The following ADCY7 variants were observed in gnomAD, a reference collection of about 807,000 sequenced individuals.
The protein encoded by ADCY7 is adenylate cyclase 7, also known as adenylate cyclase type 7.
In ADCY7, 72 loss-of-function variants were observed where a neutral mutation model predicts 120.6. The observed-to-expected ratio is 0.60, with a 90% CI of 0.49 to 0.73. The LOEUF is 0.73. ADCY7 is among the 30% of genes least tolerant of loss of function. ADCY7 has a pLI of 0.00. For synonymous variants in ADCY7, 661 were observed against 628.0 expected, an observed-to-expected ratio of 1.05 and a Z score of -0.78; for missense variants, 1,227 against 1,486.0, an observed-to-expected ratio of 0.83 and a Z score of 2.87.
rs2036578109 is a variant in ADCY7, at chr16:50,313,151, G to A, written c.2751+115G>A. On this transcript the variant is annotated intron_variant, in intron 22 of 25. Coordinates refer to ENST00000673801, the MANE Select transcript of ADCY7 (RefSeq NM_001114.5). ...AAAAATGTGACACAGAGCTGGGCAA[G>A]GTGGTCTATAATCCCAGCACTTTGG... 16 of 1,423,700 alleles carry A rather than the reference G, an allele frequency of 1.1e-5. No individual in the cohort carries two copies. In the South Asian group the frequency reaches 2.2e-4, roughly 19 times the overall value. 88.2% of individuals were successfully genotyped at this position (1,423,700 alleles called of 1,614,324 possible).
chr16:50,309,361 C>T (rs1395682569), intron 17 of ADCY7, among the ~76,000 whole-genome samples, 187 bp from the exon 18 acceptor site: 1 of 152,264 alleles, frequency 6.6e-6, no homozygotes, highest in Admixed American at 6.5e-5. Flanking sequence ...CCTAGCCCCT[C>T]TGCCCTCTGA....
chr16:50,270,145 C>T (rs915030331), intron 1 of ADCY7, among the ~76,000 whole-genome samples: 1 of 151,240 alleles, frequency 6.6e-6, no homozygotes, highest in African/African-American at 2.4e-5. Context: ...CCACTGTACT[C>T]CACTCTGGGT....
At chr16:50,298,530 T>TG (rs2035504553) in intron 7 of ADCY7, among the ~76,000 whole-genome samples, 2 of 152,338 alleles carry the variant, frequency 1.3e-5, no homozygotes, top group East Asian at 3.9e-4. Context: ...CCTGCCTACG[T>TG]GCAAGCTCCG....
intron 1 of ADCY7, among the ~76,000 whole-genome samples, chr16:50,269,266 G>A (rs115032506): frequency 6.6e-6 from 1 of 152,198 alleles, no homozygotes; most frequent in South Asian, 2.1e-4. Context: ...ATCCAGTTGT[G>A]CCCACCACAG....
At chr16:50,253,350 A>C (rs1479886532) in intron 1 of ADCY7, among the ~76,000 whole-genome samples, 2 of 152,272 alleles carry the variant, frequency 1.3e-5, no homozygotes, top group East Asian at 3.9e-4. Context: ...TCCTGGGTTC[A>C]GATGATTCTC....
At chr16:50,283,853 G>A (rs1268293332) in intron 1 of ADCY7, among the ~76,000 whole-genome samples, 3 of 152,154 alleles carry the variant, frequency 2.0e-5, no homozygotes, top group Admixed American at 2.0e-4. Context: ...GAGGACTCAG[G>A]GCCAGAAAAA....
chr16:50,306,393 C>A (rs561900547), intron 14 of ADCY7, among the ~76,000 whole-genome samples: 2 of 152,196 alleles, frequency 1.3e-5, no homozygotes, highest in Non-Finnish European at 2.9e-5. Flanking sequence ...AGAGCCTGTC[C>A]CCAGCTTCAG....
chr16:50,266,178 G>A (rs1047660197), upstream of ADCY7, among the ~76,000 whole-genome samples: 1 of 152,200 alleles, frequency 6.6e-6, no homozygotes, highest in South Asian at 2.1e-4. Context: ...GGCGCGGGGG[G>A]CCTGTCTGTG....
chr16:50,296,673 C>T (rs1486659575), intron 7 of ADCY7, among the ~76,000 whole-genome samples: 1 of 152,012 alleles, frequency 6.6e-6, no homozygotes, highest in Non-Finnish European at 1.5e-5. Flanking sequence ...GTAAGAGCCC[C>T]GCAGGTGTCT....
chr16:50,300,376 G>A (rs1264489310), intron 8 of ADCY7, among the ~76,000 whole-genome samples: 1 of 152,156 alleles, frequency 6.6e-6, no homozygotes, highest in African/African-American at 2.4e-5. Context: ...CCGGCCCCCA[G>A]TAAACTTTTA....
At chr16:50,312,241 C>T (rs771834116) in intron 21 of ADCY7, 50 bp downstream of exon 21, 32 of 1,598,556 alleles carry the variant, frequency 2.0e-5, no homozygotes, top group South Asian at 1.7e-4. Flanking sequence ...ACGGTCCAGG[C>T]GCAGTCCGTA....
At chr16:50,312,343 G>C (rs2036534380) in intron 21 of ADCY7, 152 bp downstream of exon 21, 2 of 859,210 alleles carry the variant, frequency 2.3e-6, no homozygotes, top group Admixed American at 2.5e-5. Context: ...TATGGCATCA[G>C]CTGTGAGAGC....
chr16:50,311,807 C>CTT (rs778423221), intron 20 of ADCY7, 21 bp downstream of exon 20: 1 of 1,332,744 alleles, frequency 7.5e-7, no homozygotes, highest in African/African-American at 1.5e-5. Context: ...TGGCCCCCCC[C>CTT]CCCCCCCCAA....
In ADCY7 at chr16:50,288,196, G is replaced by A. The variant is rs895114920; in HGVS notation, c.17G>A (p.Arg6His). ...GGGTGGAGGATGCCAGCCAAGGGGC[G>A]CTACTTCCTCAACGAGGGCGAGGAG... MPAKGRYFLNEGEEGP... is the reference protein window; with the variant it reads MPAKGHYFLNEGEEGP... The change falls in exon 2 of 26, where the codon CGC becomes CAC. Residue 6 changes from arginine to histidine, a missense_variant. Coordinates refer to ENST00000673801, the MANE Select transcript of ADCY7 (RefSeq NM_001114.5). 5.2e-6 allele frequency: 8 copies of A among 1,550,068 alleles called. No individual in the cohort carries two copies. In the Admixed American group the frequency reaches 7.9e-5, roughly 15 times the overall value.
At position 50,315,138 on chromosome 16, in the gene ADCY7, G is replaced by C; in HGVS notation, c.3096G>C (p.Gln1032His). The C allele has an allele frequency of 6.2e-7, 1 of 1,614,110 alleles. No homozygotes were observed. Among genetic ancestry groups the C allele is most frequent in the South Asian group, 1.1e-5 (1 of 91,080 alleles). The part of the protein sequence containing the change: ...MESTGELGKI[Q>H]VTEETCTILQ... Reference sequence around the variant, plus strand: ...GCACTGGAGAACTTGGGAAAATCCAGGTAAAGACCTATTGGGGAAGCAGTT... The same window carrying C: ...GCACTGGAGAACTTGGGAAAATCCACGTAAAGACCTATTGGGGAAGCAGTT... The change falls in exon 25 of 26, where the codon CAG becomes CAC. Residue 1032 changes from glutamine to histidine, a missense_variant and splice_region_variant. Transcript: ENST00000673801.
Position 50,308,756 on chromosome 16 carries a change from C to T in ADCY7, c.2025C>T (p.Thr675=). Reference sequence around the variant, plus strand: ...TGAGGCTGACCCTGGCCGTCCTGACCATCGGCAGCCTGCTCACTGTGGCCA... The same window carrying T: ...TGAGGCTGACCCTGGCCGTCCTGACTATCGGCAGCCTGCTCACTGTGGCCA... The part of the protein sequence containing the change: ...PLLRLTLAVL[T]IGSLLTVAII... Residue 675 remains threonine (T), a synonymous_variant, in exon 17 of 26, where the codon ACC becomes ACT. Coordinates refer to ENST00000673801, the MANE Select transcript of ADCY7 (RefSeq NM_001114.5). 1 of 1,612,764 alleles carries T rather than the reference C, an allele frequency of 6.2e-7. No individual in the cohort carries two copies. Among genetic ancestry groups the T allele is most frequent in the Non-Finnish European group, 8.5e-7 (1 of 1,179,850 alleles).
At position 50,315,411 on chromosome 16, in the gene ADCY7, G is replaced by A; in HGVS notation, c.3149G>A (p.Cys1050Tyr). The A allele has an allele frequency of 6.2e-7, 1 of 1,614,186 alleles. No homozygotes were observed. Among genetic ancestry groups the A allele is most frequent in the Non-Finnish European group, 8.5e-7 (1 of 1,179,996 alleles). Residue 1050 changes from cysteine to tyrosine, a missense_variant, in exon 26 of 26, where the codon TGC becomes TAC. Coordinates refer to ENST00000673801, the MANE Select transcript of ADCY7 (RefSeq NM_001114.5). Reference sequence around the variant, plus strand: ...CAGGGCCTCGGGTACTCTTGTGAATGCCGTGGCCTGATCAACGTCAAAGGC... The same window carrying A: ...CAGGGCCTCGGGTACTCTTGTGAATACCGTGGCCTGATCAACGTCAAAGGC... Reference protein sequence around the residue: ...ILQGLGYSCECRGLINVKGKG... With the variant: ...ILQGLGYSCEYRGLINVKGKG...
chr16:50,263,022 T>G (rs1294622077), upstream of ADCY7, among the ~76,000 whole-genome samples: 1 of 152,230 alleles, frequency 6.6e-6, no homozygotes, highest in Non-Finnish European at 1.5e-5. Flanking sequence ...TTGTCCTTGT[T>G]CCCAGGGAGG....
intron 1 of ADCY7, among the ~76,000 whole-genome samples, chr16:50,277,052 C>T (rs531567435): frequency 3.3e-5 from 5 of 151,920 alleles, no homozygotes; most frequent in Admixed American, 2.6e-4. Context: ...TTTGGTTTTT[C>T]TGTGTCCTGG....
Sources: allele counts gnomAD v4.1 joint callset (sites outside exome capture counted in the v4.1 genomes callset), GRCh38; gene constraint gnomAD v4.1.1; transcripts MANE v1.5; gene names NCBI Gene and HGNC (gene_info 2026-07-23, HGNC 2026-07-21).